THRAP3: variants seen among roughly 807,000 people sequenced by gnomAD.
THRAP3 encodes thyroid hormone receptor-associated protein 3.
Under a neutral mutation model 101.0 loss-of-function variants are expected in THRAP3, and 16 were observed. The observed-to-expected ratio is 0.16, with a 90% CI of 0.11 to 0.24. The LOEUF is 0.24. THRAP3 is among the 10% of genes least tolerant of loss of function. The pLI, the probability that THRAP3 is intolerant of heterozygous loss-of-function variation, is 1.00. For synonymous variants in THRAP3, 407 were observed against 422.6 expected (o/e 0.96, Z 0.45); for missense variants, 989 against 1,202.7 (o/e 0.82, Z 2.63).
intron 2 of THRAP3, among the ~76,000 whole-genome samples, chr1:36,272,895 G>T (rs1177807710): frequency 6.6e-6 from 1 of 152,192 alleles, no homozygotes; most frequent in African/African-American, 2.4e-5. Flanking sequence ...CAATTTCTAG[G>T]TTAGCAGAAC....
At chr1:36,244,935 T>A (rs951560981) in intron 1 of THRAP3, among the ~76,000 whole-genome samples, 8 of 151,980 alleles carry the variant, frequency 5.3e-5, no homozygotes, top group Non-Finnish European at 1.2e-4. Flanking sequence ...TTGGCCAGGA[T>A]GGTCTCAAAC....
At chr1:36,296,936 A>G (rs1645959892) in intron 9 of THRAP3, among the ~76,000 whole-genome samples, 166 bp downstream of exon 9, 1 of 152,174 alleles carries the variant, frequency 6.6e-6, no homozygotes, top group African/African-American at 2.4e-5. Context: ...TAGTTTGAAA[A>G]CAATTTCTAC....
intron 5 of THRAP3, 126 bp downstream of exon 5, chr1:36,289,890 T>C (rs915045086): frequency 1.5e-6 from 2 of 1,299,232 alleles, no homozygotes; most frequent in Non-Finnish European, 2.1e-6. Context: ...GATACTTTCA[T>C]GTCCACCTGT....
At chr1:36,294,643 CTTGTT>C (rs1017317146) in intron 8 of THRAP3, among the ~76,000 whole-genome samples, 2 of 152,118 alleles carry the variant, frequency 1.3e-5, no homozygotes, top group Non-Finnish European at 2.9e-5. Flanking sequence ...CTAAAAAATA[CTTGTT>C]TTGTTGGTTG....
chr1:36,287,510 T>G, intron 4 of THRAP3: 9 of 985,450 alleles, frequency 9.1e-6, no homozygotes, highest in Non-Finnish European at 1.1e-5. Flanking sequence ...TGCAATGATG[T>G]TTTCACATTT....
chr1:36,266,318 T>C (rs1047978982), intron 2 of THRAP3, among the ~76,000 whole-genome samples: 2 of 152,108 alleles, frequency 1.3e-5, no homozygotes, highest in Admixed American at 1.3e-4. Flanking sequence ...AGAGCCAGAC[T>C]CTGTCTCAAA....
chr1:36,289,369 C>T lies in THRAP3; in HGVS notation c.1350C>T (p.Pro450=), dbSNP rs758773692. 43 of 1,613,930 alleles carry T rather than the reference C, an allele frequency of 2.7e-5. No homozygotes were observed. Among genetic ancestry groups the T allele is most frequent in the Non-Finnish European group, 3.4e-5 (40 of 1,180,026 alleles). ...AGGAATCTGAGTTTGATGATGAACC[C>T]AAATTTATGTCTAAAGTCATAGGTG... ...GRKESEFDDE[P]KFMSKVIGAN... is the part of the protein sequence containing the mutation. The change falls in exon 5 of 12, where the codon CCC becomes CCT. Residue 450 remains proline, a synonymous_variant. Transcript: ENST00000354618.
chr1:36,219,811 A>T (rs1644893982), upstream of THRAP3, among the ~76,000 whole-genome samples: 1 of 152,162 alleles, frequency 6.6e-6, no homozygotes, highest in South Asian at 2.1e-4. Context: ...AGAGAGCAGA[A>T]GTCAATGCCT....
chr1:36,233,776 AAAAT>A (rs1203368191), intron 1 of THRAP3, among the ~76,000 whole-genome samples: 2 of 152,078 alleles, frequency 1.3e-5, no homozygotes, highest in Non-Finnish European at 2.9e-5. Flanking sequence ...AAAAAAATAA[AAAAT>A]AAAATAAAAA....
At chr1:36,230,786 A>G (rs1429163201) in intron 1 of THRAP3, among the ~76,000 whole-genome samples, 2 of 152,184 alleles carry the variant, frequency 1.3e-5, no homozygotes, top group Admixed American at 6.5e-5. Flanking sequence ...ATCTGCAGAT[A>G]TATTTTCTTT....
intron 8 of THRAP3, among the ~76,000 whole-genome samples, chr1:36,295,579 T>TTCCTTCCTC (rs1557456519): frequency 8.5e-4 from 120 of 141,964 alleles, no homozygotes; most frequent in Middle Eastern, 7.0e-3. Flanking sequence ...CTTCCTTCCC[T>TTCCTTCCTC]CCTCCCTTCC....
At chr1:36,270,571 G>GTTTTTTTTTTTTTTTTTTTTTTTTTTT (rs532301363) in intron 2 of THRAP3, among the ~76,000 whole-genome samples, 1 of 31,870 alleles carries the variant, frequency 3.1e-5, no homozygotes, top group African/African-American at 7.1e-5. Context: ...ATTTGTTTAG[G>GTTTTTTTTTTTTTTTTTTTTTTTTTTT]TTTTTGTTTT....
At chr1:36,277,468 G>A (rs1051200089) in intron 2 of THRAP3, among the ~76,000 whole-genome samples, 1 of 151,918 alleles carries the variant, frequency 6.6e-6, no homozygotes, top group Non-Finnish European at 1.5e-5. Flanking sequence ...CCAACGTGCT[G>A]GGATTACAAG....
chr1:36,292,630 C>A lies in THRAP3; in HGVS notation c.1951C>A (p.His651Asn), dbSNP rs200955227. ...HHFGSSGMTL[H>N]ERFTKYLKRG... ...CTTTGGGTCCTCAGGAATGACATTA[C>A]ATGAACGCTTTACTAAATACCTAAA... Residue 651 changes from histidine (H) to asparagine (N), a missense_variant, in exon 7 of 12, where the codon CAT (histidine) becomes AAT (asparagine). By Grantham distance (68) the His-to-Asn change is moderately conservative (BLOSUM62 1). Coordinates refer to ENST00000354618, the MANE Select transcript of THRAP3 (RefSeq NM_005119.4). 7.4e-6 allele frequency: 12 copies of A among 1,613,622 alleles called. No individual in the cohort carries two copies. In the East Asian group the frequency reaches 2.7e-4, roughly 36 times the overall value.
Position 36,289,380 on chromosome 1 carries a change from C to A in THRAP3, c.1361C>A (p.Ser454Tyr), listed in dbSNP as rs780723624. The A allele has an allele frequency of 1.9e-6, 3 of 1,614,086 alleles. No individual in the cohort carries two copies. In the South Asian group the frequency reaches 3.3e-5, roughly 18 times the overall value. The stretch of plus-strand genomic sequence containing the variant: ...TTTGATGATGAACCCAAATTTATGT[C>A]TAAAGTCATAGGTGCAAACAAAAAC... Reference protein sequence around the residue: ...SEFDDEPKFMSKVIGANKNQE... With the variant: ...SEFDDEPKFMYKVIGANKNQE... The change falls in exon 5 of 12, where the codon TCT becomes TAT. Residue 454 changes from serine (S) to tyrosine (Y), a missense_variant. Physicochemically the swap from Ser to Tyr is moderately radical, Grantham distance 144 (BLOSUM62 -2). Coordinates refer to ENST00000354618, the MANE Select transcript of THRAP3 (RefSeq NM_005119.4).
chr1:36,284,208 G>A (rs922755833), intron 3 of THRAP3, among the ~76,000 whole-genome samples: 5 of 152,118 alleles, frequency 3.3e-5, no homozygotes, highest in African/African-American at 9.7e-5. Context: ...CTGGAATTCC[G>A]GGCAGTTCTT....
intron 10 of THRAP3, 70 bp from the exon 11 acceptor site, chr1:36,301,483 A>G: frequency 6.4e-7 from 1 of 1,561,008 alleles, no homozygotes; most frequent in African/African-American, 1.4e-5. Flanking sequence ...TGTTTGAACA[A>G]AAAGCAGGGG....
intron 8 of THRAP3, 72 bp from the exon 9 acceptor site, chr1:36,296,511 C>G: frequency 7.4e-7 from 1 of 1,343,448 alleles, no homozygotes; most frequent in South Asian, 1.5e-5. Context: ...GAGTAAAAAC[C>G]ACAGTTTGTG....
At chr1:36,288,066 TTTGAC>T in intron 4 of THRAP3, 1 of 982,774 alleles carries the variant, frequency 1.0e-6, no homozygotes, top group Non-Finnish European at 1.2e-6. Context: ...TTAACACGAC[TTTGAC>T]TTGATTAAGC....
Sources: gnomAD v4.1 joint callset for allele counts (sites outside exome capture counted in the v4.1 genomes callset) on GRCh38, gnomAD v4.1.1 for gene constraint, MANE v1.5 for transcripts, NCBI Gene and HGNC (gene_info 2026-07-23, HGNC 2026-07-21) for gene names.